Variants in ANO4 observed in about 807,000 individuals in gnomAD.
ANO4 encodes the protein anoctamin-4.
A neutral mutation model predicts 141.9 loss-of-function variants in ANO4; 69 were observed. That is an observed-to-expected ratio of 0.49 (90% confidence interval 0.40 to 0.59). ANO4 has a LOEUF of 0.59. Among genes scored for constraint, ANO4 ranks in the 20% least tolerant of loss-of-function variants. The pLI is 0.00. For missense variants in ANO4, 894 were observed against 1,162.2 expected (o/e 0.77, Z 3.36); for synonymous variants, 350 against 394.3 (o/e 0.89, Z 1.33).
chr12:100,902,519 T>G (rs1337145521), intron 2 of ANO4, among the ~76,000 whole-genome samples: 1 of 152,218 alleles, frequency 6.6e-6, no homozygotes, highest in Non-Finnish European at 1.5e-5. Flanking sequence ...TCCTGCAAAG[T>G]GACTTTATAG....
At chr12:100,846,146 A>G (rs1047210265) in intron 1 of ANO4, among the ~76,000 whole-genome samples, 17 of 152,242 alleles carry the variant, frequency 1.1e-4, no homozygotes, top group Admixed American at 9.8e-4. Context: ...CGTCTAGCAC[A>G]TAGAAATCCC....
At chr12:101,073,767 A>G (rs900443691) in intron 14 of ANO4, among the ~76,000 whole-genome samples, 2 of 152,050 alleles carry the variant, frequency 1.3e-5, no homozygotes, top group Non-Finnish European at 1.5e-5. Flanking sequence ...CTTTACTTAG[A>G]GAGTGGAATC....
intron 11 of ANO4, 129 bp from the exon 12 acceptor site, chr12:101,042,205 T>C (rs1268601417): frequency 5.2e-6 from 6 of 1,151,670 alleles, no homozygotes; most frequent in Middle Eastern, 2.0e-4. Context: ...GATGTTCTTT[T>C]ATCTTGGCTT....
chr12:101,036,973 G>GCCC (rs1191160966), intron 9 of ANO4, 122 bp from the exon 10 acceptor site: 20 of 779,426 alleles, frequency 2.6e-5, no homozygotes, highest in African/African-American at 2.3e-4. Flanking sequence ...AACTCTTGGT[G>GCCC]CCCCTAAGAG....
At chr12:101,126,620 C>T (rs2051326144) in intron 26 of ANO4, among the ~76,000 whole-genome samples, 1 of 152,222 alleles carries the variant, frequency 6.6e-6, no homozygotes, top group Admixed American at 6.5e-5. Context: ...AGAATACATT[C>T]TTCTGGCTCT....
intron 3 of ANO4, among the ~76,000 whole-genome samples, chr12:100,764,666 G>A (rs1342951137): frequency 6.6e-6 from 1 of 152,044 alleles, no homozygotes; most frequent in East Asian, 1.9e-4. Flanking sequence ...TACATAATCA[G>A]CACATGTTTG....
chr12:100,983,678 C>T (rs575726476), intron 7 of ANO4, among the ~76,000 whole-genome samples: 1 of 152,306 alleles, frequency 6.6e-6, no homozygotes, highest in African/African-American at 2.4e-5. Context: ...TCAAGTGCTT[C>T]TCAAACTTTG....
rs139421740 is a variant in ANO4, at chr12:100,741,378, A to C, written c.358+1273A>C. On this transcript the variant is annotated intron_variant, in intron 3 of 29. Transcript: ENST00000644049. ...TAATCTTTAAAGCAGTAGATTGCAG[A>C]CTTCACTAAAGGTTAAGAATCAGCA... Among the ~76,000 whole-genome samples the C allele has an allele frequency of 3.1e-3, 476 of 152,308 alleles. 3 individuals are homozygous for C. The highest frequency in any genetic ancestry group is 4.3e-3 in the Non-Finnish European group (290 of 68,018).
intron 1 of ANO4, among the ~76,000 whole-genome samples, chr12:100,895,443 G>A (rs989975860): frequency 6.6e-6 from 1 of 151,970 alleles, no homozygotes; most frequent in African/African-American, 2.4e-5. Flanking sequence ...CTTGGAAGTG[G>A]GCCAGAGAGA....
chr12:100,932,004 T>C (rs1408811168), intron 3 of ANO4, among the ~76,000 whole-genome samples: 1 of 151,256 alleles, frequency 6.6e-6, no homozygotes, highest in Non-Finnish European at 1.5e-5. Context: ...TTTTTTTTTT[T>C]AAGTGATACT....
intron 1 of ANO4, among the ~76,000 whole-genome samples, chr12:100,900,999 A>C (rs2040568669): frequency 6.6e-6 from 1 of 152,220 alleles, no homozygotes; most frequent in Non-Finnish European, 1.5e-5. Context: ...TTAATGATGT[A>C]ATCTATATAG....
intron 5 of ANO4, among the ~76,000 whole-genome samples, chr12:100,951,138 C>T (rs2042954010): frequency 6.6e-6 from 1 of 152,152 alleles, no homozygotes; most frequent in African/African-American, 2.4e-5. Flanking sequence ...GAGATACCAT[C>T]TCACACCAGT....
intron 2 of ANO4, among the ~76,000 whole-genome samples, chr12:100,915,452 T>TAGAAA (rs1435577567): frequency 6.6e-6 from 1 of 152,184 alleles, no homozygotes; most frequent in East Asian, 1.9e-4. Flanking sequence ...GAGGCTATCA[T>TAGAAA]AGAAAATATC....
At chr12:100,949,667 AGC>A (rs1363073536) in intron 5 of ANO4, among the ~76,000 whole-genome samples, 10 of 152,362 alleles carry the variant, frequency 6.6e-5, no homozygotes, top group Non-Finnish European at 1.5e-4. Flanking sequence ...CATTAGGAAT[AGC>A]AACATCAGTG....
intron 6 of ANO4, 36 bp downstream of exon 6, chr12:100,971,442 T>A (rs1195901852): frequency 7.1e-7 from 1 of 1,401,004 alleles, no homozygotes; most frequent in Non-Finnish European, 1.0e-6. Flanking sequence ...CTCTCTCTGC[T>A]GCTTCACTGT....
intron 3 of ANO4, among the ~76,000 whole-genome samples, chr12:100,771,775 G>A (rs372368492): frequency 3.9e-5 from 6 of 152,302 alleles, no homozygotes; most frequent in Admixed American, 2.0e-4. Flanking sequence ...TAGATAAATC[G>A]GCTTCTGCAT....
At chr12:100,928,296 C>T (rs2041958286) in intron 3 of ANO4, among the ~76,000 whole-genome samples, 1 of 151,990 alleles carries the variant, frequency 6.6e-6, no homozygotes, top group Non-Finnish European at 1.5e-5. Context: ...ATTTCCACAT[C>T]TGTAAAAGGA....
intron 14 of ANO4, among the ~76,000 whole-genome samples, chr12:101,057,307 A>G (rs1195899180): frequency 2.0e-5 from 3 of 152,174 alleles, no homozygotes; most frequent in Non-Finnish European, 4.4e-5. Context: ...TAGTGCCACA[A>G]TAAATATACG....
chr12:100,908,235 G>C (rs1412936305), intron 2 of ANO4, among the ~76,000 whole-genome samples: 1 of 152,190 alleles, frequency 6.6e-6, no homozygotes. Flanking sequence ...TGTAATCCCA[G>C]CTACTCAGGA....
Sources: allele counts gnomAD v4.1 joint callset (sites outside exome capture counted in the v4.1 genomes callset), GRCh38; gene constraint gnomAD v4.1.1; transcripts MANE v1.5; gene names NCBI Gene and HGNC (gene_info 2026-07-23, HGNC 2026-07-21).